The following S100A14 variants were observed in gnomAD, a reference collection of about 807,000 sequenced individuals.
S100A14 encodes the protein protein S100-A14.
A neutral mutation model predicts 10.6 loss-of-function variants in S100A14; 6 were observed. The observed-to-expected ratio is 0.57, with a 90% CI of 0.31 to 1.12. The LOEUF is 1.12. Ranked by LOEUF, S100A14 falls within the 50% of genes most tolerant of loss-of-function variation. S100A14 has a pLI of 0.06. For synonymous variants in S100A14, 51 were observed against 51.0 expected, an observed-to-expected ratio of 1.00 and a Z score of 0.00; for missense variants, 121 against 128.7, an observed-to-expected ratio of 0.94 and a Z score of 0.29.
At position 153,614,879 on chromosome 1, in the gene S100A14, G is replaced by A; in HGVS notation, c.*6C>T. 1 of 1,612,312 alleles carries A rather than the reference G, an allele frequency of 6.2e-7. No individual in the cohort carries two copies. Among genetic ancestry groups the A allele is most frequent in the South Asian group, 1.1e-5 (1 of 90,894 alleles). Reference sequence around the variant, plus strand: ...CAACACCCCCCAAGAATTCCAGAGGGAGTTCTCAGTGCCCCCGGACAGGCC... The same window carrying A: ...CAACACCCCCCAAGAATTCCAGAGGAAGTTCTCAGTGCCCCCGGACAGGCC... On this transcript the variant is annotated 3_prime_UTR_variant, in exon 4 of 4. Transcript: ENST00000344616.
chr1:153,616,033 A>G, intron 1 of S100A14, 97 bp from the exon 2 acceptor site: 3 of 618,758 alleles, frequency 4.8e-6, no homozygotes, highest in Non-Finnish European at 8.5e-6. Context: ...TCTGTGCCTC[A>G]CCAGGGGTTC....
chr1:153,615,399 C>A lies in S100A14; in HGVS notation c.31-18G>T. ...TGAGCATCCTGAGGGCAGGGGACATCACAAACATCAGTGAAGCTCCATGCA... is the reference window on the plus strand; with the variant it reads ...TGAGCATCCTGAGGGCAGGGGACATAACAAACATCAGTGAAGCTCCATGCA... On this transcript the variant is annotated intron_variant, in intron 2 of 3. Coordinates refer to ENST00000344616, the MANE Select transcript of S100A14 (RefSeq NM_020672.3). The A allele has an allele frequency of 1.2e-6, 2 of 1,611,250 alleles. No homozygotes were observed. Among genetic ancestry groups the A allele is most frequent in the South Asian group, 1.1e-5 (1 of 90,800 alleles).
chr1:153,616,047 A>G, intron 1 of S100A14, 111 bp from the exon 2 acceptor site: 1 of 570,334 alleles, frequency 1.8e-6, no homozygotes, highest in Admixed American at 2.9e-5. Context: ...GGGGTTCAAA[A>G]CCAACACCAC....
At position 153,615,384 on chromosome 1, in the gene S100A14, G is replaced by A; in HGVS notation, c.31-3C>T. 6.2e-7 allele frequency: 1 copy of A among 1,612,868 alleles called. No individual in the cohort carries two copies. The highest frequency in any genetic ancestry group is 8.5e-7 in the Non-Finnish European group (1 of 1,179,462). On this transcript the variant is annotated splice_polypyrimidine_tract_variant and splice_region_variant and intron_variant, in intron 2 of 3. Coordinates refer to ENST00000344616, the MANE Select transcript of S100A14 (RefSeq NM_020672.3). The stretch of plus-strand genomic sequence containing the variant: ...ACATCACTGAATTCCTGAGCATCCT[G>A]AGGGCAGGGGACATCACAAACATCA...
chr1:153,615,546 C>T lies in S100A14; in HGVS notation c.31-165G>A, dbSNP rs532066124. Among the ~76,000 whole-genome samples, 6 of 152,170 alleles carry T rather than the reference C, an allele frequency of 3.9e-5. No homozygotes were observed. In the East Asian group the frequency reaches 7.8e-4, roughly 20 times the overall value. On this transcript the variant is annotated intron_variant, in intron 2 of 3. Coordinates refer to ENST00000344616, the MANE Select transcript of S100A14 (RefSeq NM_020672.3). ...TAGCCCCTCTCCCCCACCCCCTGCT[C>T]GGCCTCCAGGCCACAGCAGCTACAG...
chr1:153,615,614 A>C (rs543855616), intron 2 of S100A14, among the ~76,000 whole-genome samples: 2 of 152,238 alleles, frequency 1.3e-5, no homozygotes, highest in East Asian at 3.9e-4. Flanking sequence ...CCGCAGGCAG[A>C]GCAGGTCCCA....
intron 1 of S100A14, 119 bp from the exon 2 acceptor site, chr1:153,616,055 C>T (rs903749510): frequency 9.1e-6 from 5 of 551,538 alleles, no homozygotes; most frequent in African/African-American, 7.5e-5. Flanking sequence ...AAACCAACAC[C>T]ACATAGGCCC....
In S100A14 at chr1:153,614,853, CCAA is replaced by C; in HGVS notation, c.*29_*31del. 6.2e-7 allele frequency: 1 copy of C among 1,608,550 alleles called. No homozygotes were observed. Among genetic ancestry groups the C allele is most frequent in the Non-Finnish European group, 8.5e-7 (1 of 1,177,334 alleles). On this transcript the variant is annotated 3_prime_UTR_variant, in exon 4 of 4. Transcript: ENST00000344616. ...TTATCTCCAGGCCCACAGTCTCTCC[CCAA>C]CACCCCCCAAGAATTCCAGAGGGAG...
Position 153,614,861 on chromosome 1 carries a change from C to T in S100A14, c.*24G>A. ...AGGCCCACAGTCTCTCCCCAACACC[C>T]CCCAAGAATTCCAGAGGGAGTTCTC... On this transcript the variant is annotated 3_prime_UTR_variant, in exon 4 of 4. Coordinates refer to ENST00000344616, the MANE Select transcript of S100A14 (RefSeq NM_020672.3). 1 of 1,610,938 alleles carries T rather than the reference C, an allele frequency of 6.2e-7. No individual in the cohort carries two copies. Among genetic ancestry groups the T allele is most frequent in the Non-Finnish European group, 8.5e-7 (1 of 1,178,516 alleles).
chr1:153,615,083 C>G, intron 3 of S100A14, 61 bp from the exon 4 acceptor site: 1 of 1,596,994 alleles, frequency 6.3e-7, no homozygotes, highest in Non-Finnish European at 8.5e-7. Context: ...TCCCACCCCA[C>G]CCTGCCCACG....
At chr1:153,615,732 G>A (rs9792963) in intron 2 of S100A14, 97 bp downstream of exon 2, 634,841 of 1,342,854 alleles carry the variant, frequency 0.47, 156,448 homozygotes, top group Admixed American at 0.64. Context: ...TGCAGGGCAA[G>A]GCCAAGGTGA....
intron 1 of S100A14, 32 bp from the exon 2 acceptor site, chr1:153,615,968 G>A: frequency 9.6e-7 from 1 of 1,046,300 alleles, no homozygotes; most frequent in Non-Finnish European, 1.5e-6. Context: ...CCTGAGCTGA[G>A]GAGAGAGTCT....
At chr1:153,616,114 G>T (rs558370820) in intron 1 of S100A14, 178 bp from the exon 2 acceptor site, 7 of 452,608 alleles carry the variant, frequency 1.5e-5, no homozygotes, top group Non-Finnish European at 2.8e-5. Context: ...CCAGGCCAAC[G>T]CATCTAGGGG....
At chr1:153,615,417 T>G (rs752802431) in intron 2 of S100A14, 36 bp from the exon 3 acceptor site, 1 of 1,604,046 alleles carries the variant, frequency 6.2e-7, no homozygotes, top group Non-Finnish European at 8.5e-7. Context: ...TCAGTGAAGC[T>G]CCATGCACCC....
rs778971688 is a variant in S100A14, at chr1:153,615,854, C to G, written c.5G>C (p.Gly2Ala). The G allele has an allele frequency of 1.2e-6, 2 of 1,613,984 alleles. No homozygotes were observed. The highest frequency in any genetic ancestry group is 2.2e-5 in the South Asian group (2 of 91,076). M[G>A]QCRSANAEDA... ...CTCTGCGTTGGCTGACCGACACTGTCCCATGGTGCCCACTGTGTCTGGTCC... is the reference window on the plus strand; with the variant it reads ...CTCTGCGTTGGCTGACCGACACTGTGCCATGGTGCCCACTGTGTCTGGTCC... The change falls in exon 2 of 4, where the codon GGA becomes GCA. Residue 2 changes from glycine to alanine, a missense_variant. Physicochemically the swap from Gly to Ala is moderately conservative, Grantham distance 60. Transcript: ENST00000344616.
chr1:153,615,757 TG>T, intron 2 of S100A14, 71 bp downstream of exon 2: 1 of 1,524,664 alleles, frequency 6.6e-7, no homozygotes, highest in Non-Finnish European at 9.1e-7. Context: ...CAGAAGTCAG[TG>T]GGGGGACATA....
At chr1:153,616,048 C>G (rs1300977987) in intron 1 of S100A14, 112 bp from the exon 2 acceptor site, 4 of 575,056 alleles carry the variant, frequency 7.0e-6, no homozygotes, top group Non-Finnish European at 1.2e-5. Context: ...GGGTTCAAAA[C>G]CAACACCACA....
At chr1:153,615,712 G>T in intron 2 of S100A14, 117 bp downstream of exon 2, 1 of 1,035,322 alleles carries the variant, frequency 9.7e-7, no homozygotes, top group Non-Finnish European at 1.5e-6. Flanking sequence ...CTCACTCACA[G>T]GGTCTGGGGT....
At chr1:153,615,460 C>T in intron 2 of S100A14, 79 bp from the exon 3 acceptor site, 1 of 1,519,076 alleles carries the variant, frequency 6.6e-7, no homozygotes, top group Non-Finnish European at 8.9e-7. Context: ...CCTAGCAAAG[C>T]CCCCAGGGCA....
Sources: gnomAD v4.1 joint callset for allele counts (sites outside exome capture counted in the v4.1 genomes callset) on GRCh38, gnomAD v4.1.1 for gene constraint, MANE v1.5 for transcripts, NCBI Gene and HGNC (gene_info 2026-07-23, HGNC 2026-07-21) for gene names.